THBS2: variants seen among roughly 807,000 people sequenced by gnomAD.
THBS2 encodes thrombospondin 2, also known as thrombospondin-2.
In THBS2, 47 loss-of-function variants were observed where a neutral mutation model predicts 135.2. The ratio of observed to expected loss-of-function variants is 0.35; its 90% CI spans 0.28 to 0.44. THBS2 has a LOEUF of 0.44. Among genes scored for constraint, THBS2 ranks in the 20% least tolerant of loss-of-function variants. The pLI is 1.00. For missense variants in THBS2, 1,288 were observed against 1,603.1 expected, an observed-to-expected ratio of 0.80 and a Z score of 3.36; for synonymous variants, 639 against 633.8, an observed-to-expected ratio of 1.01 and a Z score of -0.12.
Position 169,232,897 on chromosome 6 carries a change from A to G in THBS2, c.1772T>C (p.Leu591Pro). The change falls in exon 11 of 22, where the codon CTG becomes CCG. Residue 591 changes from leucine (L) to proline (P), a missense_variant. By Grantham distance (98) the Leu-to-Pro change is moderately conservative. Around this residue, in one of 2 missense-constraint regions of THBS2, gnomAD observed 874 missense variants for 1,156.1 expected, o/e 0.76. Coordinates refer to ENST00000617924, the MANE Select transcript of THBS2 (RefSeq NM_003247.5). Reference protein sequence around the residue: ...FLGNGTHCEDLDECALVPDIC... With the variant: ...FLGNGTHCEDPDECALVPDIC... Reference sequence around the variant, plus strand: ...CAGGGCGGGGTCACCCACCTCGTCCAGGTCCTCACAGTGGGTGCCATTGCC... The same window carrying G: ...CAGGGCGGGGTCACCCACCTCGTCCGGGTCCTCACAGTGGGTGCCATTGCC... 1.3e-6 allele frequency: 2 copies of G among 1,594,716 alleles called. No individual in the cohort carries two copies. The highest frequency in any genetic ancestry group is 2.3e-5 in the South Asian group (2 of 88,756).
chr6:169,250,788 G>C lies in THBS2; in HGVS notation c.-4C>G, dbSNP rs370524122. ...GCAGGACCAGCCTCCAGACCATCCT[G>C]CCTCCTGCAGCTGAGCTCCTGGGAA... is the stretch of plus-strand genomic sequence containing the variant. On this transcript the variant is annotated 5_prime_UTR_variant, in exon 2 of 22. Transcript: ENST00000617924. 6.8e-6 allele frequency: 11 copies of C among 1,612,892 alleles called. No individual in the cohort carries two copies. The highest frequency in any genetic ancestry group is 1.3e-5 in the African/African-American group (1 of 74,908).
chr6:169,234,729 C>G lies in THBS2; in HGVS notation c.1651+5G>C. ...TCAGTGCCCCCGCTTCTACCCCTCA[C>G]TCACCCACGGGGCAGCTCCTCTTGT... is the stretch of plus-strand genomic sequence containing the variant. On this transcript the variant is annotated splice_donor_5th_base_variant and intron_variant, in intron 10 of 21. Coordinates refer to ENST00000617924, the MANE Select transcript of THBS2 (RefSeq NM_003247.5). The G allele has an allele frequency of 6.4e-7, 1 of 1,557,524 alleles. No homozygotes were observed. Among genetic ancestry groups the G allele is most frequent in the Non-Finnish European group, 8.7e-7 (1 of 1,144,262 alleles).
Position 169,222,487 on chromosome 6 carries a change from G to A in THBS2, c.3002-19C>T, listed in dbSNP as rs1396239319. The A allele has an allele frequency of 6.2e-7, 1 of 1,604,866 alleles. No individual in the cohort carries two copies. The highest frequency in any genetic ancestry group is 8.5e-7 in the Non-Finnish European group (1 of 1,174,232). ...TCAAAACCTGGATGCAACGCCATAA[G>A]GTTTCGTTAGAAACACCTTTCAGGT... On this transcript the variant is annotated intron_variant, in intron 18 of 21. Coordinates refer to ENST00000617924, the MANE Select transcript of THBS2 (RefSeq NM_003247.5).
At position 169,229,041 on chromosome 6, in the gene THBS2, A is replaced by G. The variant is rs573890568; in HGVS notation, c.2259+531T>C. ...GCAAAAATGGTATATCATACACTTC[A>G]TGGTGAGGAGAGATATGTAAATATC... On this transcript the variant is annotated intron_variant, in intron 14 of 21. Transcript: ENST00000617924. Among the ~76,000 whole-genome samples, 9 of 152,340 alleles carry G rather than the reference A, an allele frequency of 5.9e-5. No homozygotes were observed. The East Asian group carries it at 1.7e-3, about 29-fold the overall frequency.
intron 9 of THBS2, 74 bp downstream of exon 9, chr6:169,237,096 G>A: frequency 6.6e-7 from 1 of 1,508,690 alleles, no homozygotes; most frequent in East Asian, 2.3e-5. Context: ...CCGGATCCCG[G>A]CTCCAGCTGT....
At chr6:169,226,115 C>A in intron 16 of THBS2, 65 bp downstream of exon 16, 1 of 1,485,034 alleles carries the variant, frequency 6.7e-7, no homozygotes, top group Non-Finnish European at 9.3e-7. Context: ...ATCCCCCACA[C>A]CGCCACCGTC....
At chr6:169,249,525 G>T (rs902398316) in intron 2 of THBS2, among the ~76,000 whole-genome samples, 2 of 152,186 alleles carry the variant, frequency 1.3e-5, no homozygotes, top group Non-Finnish European at 2.9e-5. Flanking sequence ...CGGCTAAATC[G>T]TATGTTGCTT....
Position 169,242,401 on chromosome 6 carries a change from G to A in THBS2, c.695-443C>T, listed in dbSNP as rs1049892022. ...GAACACATCCCCCATATGTTCTGAC[G>A]GCTCCTCTCGACTCTTCATCCTTTT... On this transcript the variant is annotated intron_variant, in intron 4 of 21. Coordinates refer to ENST00000617924, the MANE Select transcript of THBS2 (RefSeq NM_003247.5). Among the ~76,000 whole-genome samples, 9 of 152,016 alleles carry A rather than the reference G, an allele frequency of 5.9e-5. No individual in the cohort carries two copies. In the South Asian group the frequency reaches 6.2e-4, roughly 11 times the overall value.
chr6:169,253,695 AATTG>A (rs1780825299), intron 1 of THBS2, 25 bp downstream of exon 1: 1 of 152,224 alleles, frequency 6.6e-6, no homozygotes, highest in Admixed American at 6.5e-5. Flanking sequence ...ACCATTAAAT[AATTG>A]ATTGAGTTTA....
rs1306088210 is a variant in THBS2 at position 169,227,851 on chromosome 6, GC to G, written c.2419+270del. On this transcript the variant is annotated intron_variant, in intron 15 of 21. Coordinates refer to ENST00000617924, the MANE Select transcript of THBS2 (RefSeq NM_003247.5). ...AATCCCAGCACTTTGGGAGGCCAAG[GC>G]AGGCGGATCATTTGAGGTCAGGAGC... 2.0e-5 allele frequency among the ~76,000 whole-genome samples: 3 copies of G among 152,212 alleles called. No homozygotes were observed. The East Asian group carries it at 5.8e-4, about 29-fold the overall frequency.
intron 20 of THBS2, among the ~76,000 whole-genome samples, chr6:169,220,983 G>A (rs941240894): frequency 5.9e-5 from 9 of 152,166 alleles, no homozygotes; most frequent in Non-Finnish European, 8.8e-5. Flanking sequence ...CATTTTGTTT[G>A]AATAAAAATC....
Position 169,226,189 on chromosome 6 carries a change from G to A in THBS2, c.2529C>T (p.Asn843=). Residue 843 remains asparagine, a synonymous_variant, in exon 16 of 22, where the codon AAC becomes AAT. Transcript: ENST00000617924. ...DHCDNCPLVH[N]PDQTDVDNDL... Reference sequence around the variant, plus strand: ...CTGCGGCTGCCCTCACCTGGTCAGGGTTGTGCACCAGGGGGCAGTTGTCAC... The same window carrying A: ...CTGCGGCTGCCCTCACCTGGTCAGGATTGTGCACCAGGGGGCAGTTGTCAC... 1.2e-6 allele frequency: 2 copies of A among 1,613,442 alleles called. No individual in the cohort carries two copies. Among genetic ancestry groups the A allele is most frequent in the African/African-American group, 1.3e-5 (1 of 74,926 alleles).
At chr6:169,248,391 G>C (rs180848444) in intron 3 of THBS2, 26 bp downstream of exon 3, 6 of 1,574,980 alleles carry the variant, frequency 3.8e-6, no homozygotes, top group Non-Finnish European at 4.3e-6. Flanking sequence ...CCTCCCTCAC[G>C]GCGGCCACCT....
chr6:169,240,841 C>T (rs746959030), intron 5 of THBS2, among the ~76,000 whole-genome samples: 1 of 152,186 alleles, frequency 6.6e-6, no homozygotes, highest in Non-Finnish European at 1.5e-5. Context: ...GCGGAAATCG[C>T]GTGGCTCACA....
chr6:169,222,574 C>A, intron 18 of THBS2, 106 bp from the exon 19 acceptor site: 1 of 1,244,610 alleles, frequency 8.0e-7, no homozygotes, highest in South Asian at 1.4e-5. Context: ...GTGGGCAGAT[C>A]ACCTGAGGTC....
chr6:169,231,354 A>G (rs1179681973), intron 13 of THBS2, among the ~76,000 whole-genome samples: 1 of 152,230 alleles, frequency 6.6e-6, no homozygotes, highest in Non-Finnish European at 1.5e-5. Context: ...CGCCTGAGCC[A>G]GAGAAGCTGG....
chr6:169,240,439 T>G lies in THBS2; in HGVS notation c.1032+13A>C. 10 of 1,612,598 alleles carry G rather than the reference T, an allele frequency of 6.2e-6. No homozygotes were observed. Among genetic ancestry groups the G allele is most frequent in the Non-Finnish European group, 8.5e-6 (10 of 1,179,716 alleles). Reference sequence around the variant, plus strand: ...TGGCCTCTTCCCCCAAGAGCCGTGTTCTGGGGCCTCACCTTGCAGGTACAC... The same window carrying G: ...TGGCCTCTTCCCCCAAGAGCCGTGTGCTGGGGCCTCACCTTGCAGGTACAC... On this transcript the variant is annotated intron_variant, in intron 6 of 21. Coordinates refer to ENST00000617924, the MANE Select transcript of THBS2 (RefSeq NM_003247.5).
At position 169,239,624 on chromosome 6, in the gene THBS2, G is replaced by A. The variant is rs1202598707; in HGVS notation, c.1104C>T (p.Gly368=). 9 of 1,604,198 alleles carry A rather than the reference G, an allele frequency of 5.6e-6. No individual in the cohort carries two copies. In the African/African-American group the frequency reaches 6.7e-5, roughly 12 times the overall value. The change falls in exon 7 of 22, where the codon GGC becomes GGT. Residue 368 remains glycine, a synonymous_variant. Transcript: ENST00000617924. Reference sequence around the variant, plus strand: ...AGTGGAGGCAGGAAGGGCAGCATTCGCCTTCCACAAAGGATGGACTGGCGC... The same window carrying A: ...AGTGGAGGCAGGAAGGGCAGCATTCACCTTCCACAAAGGATGGACTGGCGC... ...ATCASPSFVE[G]ECCPSCLHSV... is the part of the protein sequence containing the mutation.
At position 169,234,010 on chromosome 6, in the gene THBS2, C is replaced by T. The variant is rs138124598; in HGVS notation, c.1651+724G>A. ...ACACCACACTACTACCTACATGCCACGTTCCAGACCACACAACTACCATGT... is the reference window on the plus strand; with the variant it reads ...ACACCACACTACTACCTACATGCCATGTTCCAGACCACACAACTACCATGT... On this transcript the variant is annotated intron_variant, in intron 10 of 21. Coordinates refer to ENST00000617924, the MANE Select transcript of THBS2 (RefSeq NM_003247.5). Among the ~76,000 whole-genome samples the T allele has an allele frequency of 6.6e-5, 10 of 150,764 alleles. No homozygotes were observed. In the East Asian group the frequency reaches 1.7e-3, roughly 26 times the overall value.
Sources: allele counts gnomAD v4.1 joint callset (sites outside exome capture counted in the v4.1 genomes callset), GRCh38; gene constraint gnomAD v4.1.1; regional missense constraint gnomAD v4.1.1; transcripts MANE v1.5; gene names NCBI Gene and HGNC (gene_info 2026-07-23, HGNC 2026-07-21).